Variants in KCNIP4 observed in about 807,000 individuals in gnomAD.
KCNIP4 encodes Kv channel-interacting protein 4.
Under a neutral mutation model 34.0 loss-of-function variants are expected in KCNIP4, and 12 were observed. That is an observed-to-expected ratio of 0.35 (90% CI 0.23 to 0.57). The LOEUF is 0.57. Among genes scored for constraint, KCNIP4 ranks in the 20% least tolerant of loss-of-function variants. The pLI, the probability that KCNIP4 is intolerant of heterozygous loss-of-function variation, is 0.83. For synonymous variants in KCNIP4, 124 were observed against 102.2 expected, an observed-to-expected ratio of 1.21 and a Z score of -1.29; for missense variants, 238 against 311.7, an observed-to-expected ratio of 0.76 and a Z score of 1.78.
intron 1 of KCNIP4, among the ~76,000 whole-genome samples, chr4:20,999,414 G>GTTTTTTTTTT (rs5856594): frequency 4.2e-5 from 4 of 95,342 alleles, no homozygotes; most frequent in African/African-American, 1.9e-4. Context: ...TTGTGGTGGT[G>GTTTTTTTTTT]TTTTTTTTTT....
chr4:21,776,587 G>A lies in KCNIP4; in HGVS notation c.61+171984C>T, dbSNP rs543622393. On this transcript the variant is annotated intron_variant, in intron 1 of 8. Coordinates refer to ENST00000382152, the MANE Select transcript of KCNIP4 (RefSeq NM_025221.6). ...TCTGATGTAAAATAAGGGAACTTGA[G>A]TTAATGATCTCAAAGATGTTGATAT... Among the ~76,000 whole-genome samples, 5 of 152,206 alleles carry A rather than the reference G, an allele frequency of 3.3e-5. No individual in the cohort carries two copies. In the South Asian group the frequency reaches 1.0e-3, roughly 32 times the overall value.
intron 1 of KCNIP4, among the ~76,000 whole-genome samples, chr4:21,166,621 G>A (rs1753641287): frequency 1.3e-5 from 2 of 152,102 alleles, no homozygotes; most frequent in African/African-American, 2.4e-5. Context: ...GCCCCAAAGT[G>A]GAACAACCCA....
intron 1 of KCNIP4, among the ~76,000 whole-genome samples, chr4:20,945,614 C>T (rs1467278968): frequency 6.6e-6 from 1 of 152,018 alleles, no homozygotes; most frequent in Non-Finnish European, 1.5e-5. Flanking sequence ...AGCAGGAGTT[C>T]TAGGTATAGA....
intron 1 of KCNIP4, among the ~76,000 whole-genome samples, chr4:21,366,113 G>A (rs1044317852): frequency 2.0e-5 from 3 of 152,092 alleles, no homozygotes; most frequent in African/African-American, 7.2e-5. Context: ...ATGTTTAAAC[G>A]TAGTGACAAT....
chr4:21,279,812 A>G (rs1160196027), intron 1 of KCNIP4, among the ~76,000 whole-genome samples: 1 of 152,074 alleles, frequency 6.6e-6, no homozygotes, highest in Non-Finnish European at 1.5e-5. Flanking sequence ...TGGGCATACA[A>G]TTAACCACTC....
intron 3 of KCNIP4, among the ~76,000 whole-genome samples, chr4:20,813,774 A>T (rs1225079315): frequency 6.6e-6 from 1 of 152,230 alleles, no homozygotes; most frequent in Non-Finnish European, 1.5e-5. Context: ...TCAAAGTTGA[A>T]CTTAGGAAAC....
chr4:20,892,221 G>A (rs1220863474), intron 1 of KCNIP4, among the ~76,000 whole-genome samples: 3 of 152,184 alleles, frequency 2.0e-5, no homozygotes, highest in Non-Finnish European at 4.4e-5. Context: ...TTGTGTATCA[G>A]TTTAAAAGAA....
intron 1 of KCNIP4, among the ~76,000 whole-genome samples, chr4:21,426,566 G>C: frequency 6.6e-6 from 1 of 152,074 alleles, no homozygotes; most frequent in Admixed American, 6.5e-5. Flanking sequence ...CTTTGAAAAA[G>C]CACCCTTTCC....
intron 1 of KCNIP4, among the ~76,000 whole-genome samples, chr4:21,063,934 T>C (rs1485328360): frequency 1.3e-5 from 2 of 152,154 alleles, no homozygotes; most frequent in African/African-American, 2.4e-5. Context: ...CGAGTGTCCA[T>C]GTCAAGGAAA....
rs532683431 is a variant in KCNIP4 at position 21,272,450 on chromosome 4, T to C, written c.62-389741A>G. Among the ~76,000 whole-genome samples, 37 of 152,292 alleles carry C rather than the reference T, an allele frequency of 2.4e-4. No individual in the cohort carries two copies. In the South Asian group the frequency reaches 4.1e-3, roughly 17 times the overall value. On this transcript the variant is annotated intron_variant, in intron 1 of 8. Coordinates refer to ENST00000382152, the MANE Select transcript of KCNIP4 (RefSeq NM_025221.6). Reference sequence around the variant, plus strand: ...CAGTCATCAGATCTTCATGGCAAACTATTAGATAGAGTTATTATTATCCCC... The same window carrying C: ...CAGTCATCAGATCTTCATGGCAAACCATTAGATAGAGTTATTATTATCCCC...
intron 1 of KCNIP4, among the ~76,000 whole-genome samples, chr4:21,468,239 A>G (rs1207878511): frequency 6.6e-6 from 1 of 152,142 alleles, no homozygotes; most frequent in Non-Finnish European, 1.5e-5. Flanking sequence ...TAAAATGTAC[A>G]AGGAAAGACA....
intron 1 of KCNIP4, among the ~76,000 whole-genome samples, chr4:21,043,818 T>C (rs1419924336): frequency 6.6e-6 from 1 of 152,162 alleles, no homozygotes; most frequent in South Asian, 2.1e-4. Flanking sequence ...CCTCATATGA[T>C]GTGAGGAAGC....
At chr4:21,131,074 T>C (rs1056130531) in intron 1 of KCNIP4, among the ~76,000 whole-genome samples, 1 of 152,188 alleles carries the variant, frequency 6.6e-6, no homozygotes, top group Admixed American at 6.5e-5. Context: ...AACGTATTTC[T>C]GTATATATAT....
intron 1 of KCNIP4, among the ~76,000 whole-genome samples, chr4:21,833,642 T>C (rs920433467): frequency 1.2e-4 from 18 of 152,108 alleles, no homozygotes; most frequent in African/African-American, 3.6e-4. Flanking sequence ...TTGCTTTTGG[T>C]GTTTTAGACA....
intron 3 of KCNIP4, among the ~76,000 whole-genome samples, chr4:20,840,477 G>A (rs552543714): frequency 2.0e-5 from 3 of 152,098 alleles, no homozygotes; most frequent in Non-Finnish European, 4.4e-5. Context: ...TTGAAATCAA[G>A]TTGGACCATA....
Position 21,138,397 on chromosome 4 carries a change from G to A in KCNIP4, c.62-255688C>T, listed in dbSNP as rs115792079. Reference sequence around the variant, plus strand: ...ACACAAATATGCTTTTTCATGCTGTGGTCTTTCTGTCTACAGAGCATGCCA... The same window carrying A: ...ACACAAATATGCTTTTTCATGCTGTAGTCTTTCTGTCTACAGAGCATGCCA... On this transcript the variant is annotated intron_variant, in intron 1 of 8. Coordinates refer to ENST00000382152, the MANE Select transcript of KCNIP4 (RefSeq NM_025221.6). Among the ~76,000 whole-genome samples the A allele has an allele frequency of 3.1e-3, 465 of 152,134 alleles. 2 individuals carry two copies. The highest frequency in any genetic ancestry group is 0.011 in the African/African-American group (442 of 41,498).
At chr4:21,124,185 T>A (rs1212349302) in intron 1 of KCNIP4, among the ~76,000 whole-genome samples, 1 of 152,200 alleles carries the variant, frequency 6.6e-6, no homozygotes, top group Non-Finnish European at 1.5e-5. Flanking sequence ...TTATTCAACT[T>A]GTGGTATCAA....
chr4:21,171,591 A>G (rs1228291602), intron 1 of KCNIP4, among the ~76,000 whole-genome samples: 1 of 152,218 alleles, frequency 6.6e-6, no homozygotes, highest in Admixed American at 6.5e-5. Flanking sequence ...AGAAGAATCC[A>G]GAACTCACAA....
chr4:21,728,676 T>C (rs538907811), intron 1 of KCNIP4, among the ~76,000 whole-genome samples: 215 of 152,278 alleles, frequency 1.4e-3, no homozygotes, highest in African/African-American at 4.9e-3. Context: ...TCTGAACTAC[T>C]GGCCTCTTCT....
Sources: allele counts gnomAD v4.1 joint callset (sites outside exome capture counted in the v4.1 genomes callset), GRCh38; gene constraint gnomAD v4.1.1; transcripts MANE v1.5; gene names NCBI Gene and HGNC (gene_info 2026-07-23, HGNC 2026-07-21).